LMTK2: variants seen among roughly 807,000 people sequenced by gnomAD.
The protein encoded by LMTK2 is serine/threonine-protein kinase LMTK2.
Under a neutral mutation model 127.5 loss-of-function variants are expected in LMTK2, and 37 were observed. The observed-to-expected ratio is 0.29, with a 90% confidence interval of 0.22 to 0.38. The LOEUF is 0.38. Among genes scored for constraint, LMTK2 ranks in the 10% least tolerant of loss-of-function variants. The pLI is 1.00. For missense variants in LMTK2, 1,694 were observed against 1,920.3 expected (o/e 0.88, Z 2.20); for synonymous variants, 819 against 810.1 (o/e 1.01, Z -0.19).
At chr7:98,188,156 C>G (rs1190186756) in intron 9 of LMTK2, among the ~76,000 whole-genome samples, 1 of 152,128 alleles carries the variant, frequency 6.6e-6, no homozygotes, top group East Asian at 1.9e-4. Flanking sequence ...TTCCTCCTCT[C>G]CCTCCCCTTC....
At chr7:98,117,454 T>C (rs1386868256) in intron 1 of LMTK2, among the ~76,000 whole-genome samples, 1 of 152,226 alleles carries the variant, frequency 6.6e-6, no homozygotes, top group Non-Finnish European at 1.5e-5. Context: ...ACAGTGTTGT[T>C]TATTTGTTCT....
intron 7 of LMTK2, among the ~76,000 whole-genome samples, chr7:98,178,633 C>G (rs890196719): frequency 6.6e-6 from 1 of 152,188 alleles, no homozygotes; most frequent in African/African-American, 2.4e-5. Flanking sequence ...CAAAAGCAGC[C>G]ATTGACGTCA....
intron 1 of LMTK2, among the ~76,000 whole-genome samples, 175 bp downstream of exon 1, chr7:98,107,455 G>A (rs1220219899): frequency 2.0e-5 from 3 of 151,698 alleles, no homozygotes; most frequent in East Asian, 2.0e-4. Flanking sequence ...ATTTGGGGGG[G>A]CGGGAGCGAG....
At chr7:98,203,194 A>T (rs1285916139) in intron 11 of LMTK2, among the ~76,000 whole-genome samples, 1 of 152,210 alleles carries the variant, frequency 6.6e-6, no homozygotes, top group Admixed American at 6.5e-5. Context: ...CTTCTCCTGG[A>T]GCACTGTGTC....
rs377006875 is a variant in LMTK2 at position 98,193,227 on chromosome 7, T to C, written c.2762T>C (p.Leu921Pro). 5.0e-6 allele frequency: 8 copies of C among 1,613,602 alleles called. No individual in the cohort carries two copies. In the African/African-American group the frequency reaches 9.3e-5, roughly 19 times the overall value. Residue 921 changes from leucine to proline, a missense_variant, in exon 11 of 14, where the codon CTG becomes CCG. Around this residue, in one of 8 missense-constraint regions of LMTK2, gnomAD observed 527 missense variants for 539.8 expected, o/e 0.98. Coordinates refer to ENST00000297293, the MANE Select transcript of LMTK2 (RefSeq NM_014916.4). This position sits in a 1 kb window ranked among gnomAD's most constrained non-coding sequence, Gnocchi z 4.1. ...AGTGTAGGGAGTAGTCTCCCGGAAC[T>C]GGGACAGGAATTGCACAATAAACCA... ...RVSVGSSLPELGQELHNKPFS... is the reference protein window; with the variant it reads ...RVSVGSSLPEPGQELHNKPFS...
chr7:98,139,535 A>T (rs1235397337), intron 2 of LMTK2, among the ~76,000 whole-genome samples: 1 of 152,196 alleles, frequency 6.6e-6, no homozygotes, highest in East Asian at 1.9e-4. Context: ...GGTAGGAGTG[A>T]TGGACAAAAT....
chr7:98,107,106 G>A lies in LMTK2; in HGVS notation c.-72G>A, dbSNP rs962302007. ...TGAGGCAGCGGAGGGAGGCAGGATC[G>A]ACTGACGGGCGAACGGACGGACGGA... On this transcript the variant is annotated 5_prime_UTR_variant, in exon 1 of 14. Coordinates refer to ENST00000297293, the MANE Select transcript of LMTK2 (RefSeq NM_014916.4). 2.2e-5 allele frequency: 27 copies of A among 1,215,356 alleles called. No homozygotes were observed. The highest frequency in any genetic ancestry group is 2.8e-5 in the Non-Finnish European group (26 of 926,894). 75.3% of individuals were successfully genotyped at this position (1,215,356 alleles called of 1,614,324 possible).
chr7:98,113,173 T>C (rs1190870779), intron 1 of LMTK2, among the ~76,000 whole-genome samples: 1 of 152,194 alleles, frequency 6.6e-6, no homozygotes, highest in Non-Finnish European at 1.5e-5. Context: ...GATAGTTGAA[T>C]CATGGGGGTG....
At chr7:98,155,888 A>G (rs555578052) in intron 5 of LMTK2, among the ~76,000 whole-genome samples, 1 of 152,314 alleles carries the variant, frequency 6.6e-6, no homozygotes, top group African/African-American at 2.4e-5. Context: ...ATCAAAATTA[A>G]AAACATTTGC....
chr7:98,148,155 T>C (rs571105751), intron 3 of LMTK2, among the ~76,000 whole-genome samples: 3 of 151,442 alleles, frequency 2.0e-5, no homozygotes, highest in Non-Finnish European at 4.4e-5. Context: ...ATTGCACTGT[T>C]GCACTCCAGC....
Position 98,154,748 on chromosome 7 carries a change from T to C in LMTK2, c.451-10T>C. On this transcript the variant is annotated splice_polypyrimidine_tract_variant and intron_variant, in intron 4 of 13. Coordinates refer to ENST00000297293, the MANE Select transcript of LMTK2 (RefSeq NM_014916.4). ...TGGAAATGACACAAAAAACTGTTCTTTGATTTTAGGTTCTCTTGGGAGAGA... is the reference window on the plus strand; with the variant it reads ...TGGAAATGACACAAAAAACTGTTCTCTGATTTTAGGTTCTCTTGGGAGAGA... 1 of 1,564,590 alleles carries C rather than the reference T, an allele frequency of 6.4e-7. No individual in the cohort carries two copies.
At chr7:98,146,721 G>A (rs1796778982) in intron 3 of LMTK2, among the ~76,000 whole-genome samples, 1 of 152,030 alleles carries the variant, frequency 6.6e-6, no homozygotes, top group African/African-American at 2.4e-5. Flanking sequence ...TTAACACAGA[G>A]TTATAATTTT....
At chr7:98,191,414 C>T (rs762554619) in intron 10 of LMTK2, among the ~76,000 whole-genome samples, 200 bp from the exon 11 acceptor site, 2 of 152,114 alleles carry the variant, frequency 1.3e-5, no homozygotes, top group Admixed American at 6.5e-5. Context: ...TAGCTGGGCG[C>T]GGCAGCGGGC....
chr7:98,198,229 T>C (rs1274993594), intron 11 of LMTK2, among the ~76,000 whole-genome samples: 3 of 151,670 alleles, frequency 2.0e-5, no homozygotes, highest in Non-Finnish European at 4.4e-5. Context: ...TCTCACTCTG[T>C]CGCCAGGTTG....
chr7:98,194,036 G>A lies in LMTK2; in HGVS notation c.3571G>A (p.Val1191Met). The change falls in exon 11 of 14, where the codon GTG becomes ATG. Residue 1191 changes from valine to methionine, a missense_variant. By Grantham distance (21) the Val-to-Met change is conservative. Around this residue, in one of 8 missense-constraint regions of LMTK2, gnomAD observed 554 missense variants for 567.7 expected, o/e 0.98. Transcript: ENST00000297293. The surrounding 1 kb of genome is among the most constrained non-coding windows in gnomAD (Gnocchi z 5.4). Reference sequence around the variant, plus strand: ...AGCACAGACTGGTGTTCCCCAGCAGGTGCATCCCACGGAAGACGAGGCCAG... The same window carrying A: ...AGCACAGACTGGTGTTCCCCAGCAGATGCATCCCACGGAAGACGAGGCCAG... ...EPAQTGVPQQ[V>M]HPTEDEASSP... The A allele has an allele frequency of 6.2e-7, 1 of 1,614,130 alleles. No individual in the cohort carries two copies. The highest frequency in any genetic ancestry group is 8.5e-7 in the Non-Finnish European group (1 of 1,180,046).
At chr7:98,122,229 T>G (rs1796373865) in intron 1 of LMTK2, among the ~76,000 whole-genome samples, 1 of 152,168 alleles carries the variant, frequency 6.6e-6, no homozygotes, top group South Asian at 2.1e-4. Context: ...ACTTTCGTTT[T>G]TGTTTCGGGG....
chr7:98,146,395 T>TATTTC (rs1227206137), intron 3 of LMTK2, among the ~76,000 whole-genome samples: 3 of 152,038 alleles, frequency 2.0e-5, no homozygotes, highest in African/African-American at 7.2e-5. Flanking sequence ...TTTTTTATTT[T>TATTTC]ATTTTATTTT....
intron 7 of LMTK2, among the ~76,000 whole-genome samples, chr7:98,178,502 A>G (rs1797306678): frequency 6.6e-6 from 1 of 152,172 alleles, no homozygotes; most frequent in Admixed American, 6.5e-5. Context: ...TGCCAAGCTC[A>G]GGCGACGCTG....
At chr7:98,185,697 G>A (rs558870416) in intron 8 of LMTK2, among the ~76,000 whole-genome samples, 20 of 152,022 alleles carry the variant, frequency 1.3e-4, no homozygotes, top group Non-Finnish European at 7.4e-5. Flanking sequence ...AGGAGACCTC[G>A]GATAAGCCAC....
Sources: allele counts gnomAD v4.1 joint callset (sites outside exome capture counted in the v4.1 genomes callset), GRCh38; gene constraint gnomAD v4.1.1; regional missense constraint gnomAD v4.1.1; non-coding constraint Gnocchi (gnomAD v3.1); transcripts MANE v1.5; gene names NCBI Gene and HGNC (gene_info 2026-07-23, HGNC 2026-07-21).